The following OPA1 variants were observed in gnomAD, a reference collection of about 807,000 sequenced individuals.
OPA1 encodes the protein dynamin-like GTPase OPA1, mitochondrial.
In OPA1, 59 loss-of-function variants were observed where a neutral mutation model predicts 152.9. The ratio of observed to expected loss-of-function variants is 0.39; its 90% confidence interval spans 0.31 to 0.48. The LOEUF (loss-of-function observed/expected upper bound fraction) is 0.48. Among genes scored for constraint, OPA1 ranks in the 20% least tolerant of loss-of-function variants. OPA1 has a pLI of 0.96. For missense variants in OPA1, 1,008 were observed against 1,216.8 expected (o/e 0.83, Z 2.55); for synonymous variants, 400 against 389.9 (o/e 1.03, Z -0.31).
intron 4 of OPA1, 55 bp downstream of exon 4, chr3:193,617,340 A>C: frequency 1.0e-6 from 1 of 995,408 alleles, no homozygotes; most frequent in Non-Finnish European, 1.6e-6. Context: ...TGGAGGAAAA[A>C]TACATGGATT....
At chr3:193,625,457 G>A (rs1560344503) in intron 6 of OPA1, among the ~76,000 whole-genome samples, 1 of 151,426 alleles carries the variant, frequency 6.6e-6, no homozygotes, top group Non-Finnish European at 1.5e-5. Context: ...GTGAAAATTC[G>A]GTCAGACTAG....
rs958914227 is a variant in OPA1, at chr3:193,635,645, T to G, written c.948+123T>G. 7 of 689,906 alleles carry G rather than the reference T, an allele frequency of 1.0e-5. No individual in the cohort carries two copies. The African/African-American group carries it at 1.2e-4, about 12-fold the overall frequency. 42.7% of individuals were successfully genotyped at this position (689,906 alleles called of 1,614,324 possible). On this transcript the variant is annotated intron_variant, in intron 9 of 30. Transcript: ENST00000361510. ...TCCTTTTCTTTCTAACCTAATGTGC[T>G]TGGAGGATGGAGGATCTCTTCCTAT...
At chr3:193,689,658 C>T (rs12696674) in intron 29 of OPA1, among the ~76,000 whole-genome samples, 64,453 of 151,812 alleles carry the variant, frequency 0.42, 13,950 homozygotes, top group Non-Finnish European at 0.43. Context: ...GCTGCTGTAC[C>T]ACCTCCCTGC....
intron 29 of OPA1, among the ~76,000 whole-genome samples, chr3:193,689,801 A>C (rs1721424182): frequency 6.6e-6 from 1 of 152,222 alleles, no homozygotes; most frequent in South Asian, 2.1e-4. Context: ...ACAGTACAGC[A>C]TTTCCAAGTA....
intron 29 of OPA1, among the ~76,000 whole-genome samples, chr3:193,674,915 G>A (rs1389430393): frequency 6.6e-6 from 1 of 152,196 alleles, no homozygotes; most frequent in Non-Finnish European, 1.5e-5. Context: ...GCTCTGCCAT[G>A]TGTATTTTGA....
intron 29 of OPA1, chr3:193,668,736 C>G (rs1717261692): frequency 1.6e-6 from 2 of 1,289,142 alleles, no homozygotes; most frequent in Admixed American, 6.2e-5. Context: ...ACCATGGCTT[C>G]CCCTTCCCAC....
intron 6 of OPA1, among the ~76,000 whole-genome samples, chr3:193,622,225 TC>T (rs1730228703): frequency 1.5e-5 from 2 of 135,430 alleles, no homozygotes; most frequent in South Asian, 2.4e-4. Flanking sequence ...TTACTCTCAT[TC>T]TTTTTTTTTT....
Position 193,637,943 on chromosome 3 carries a change from T to C in OPA1, c.1036-9T>C, listed in dbSNP as rs531187028. On this transcript the variant is annotated splice_polypyrimidine_tract_variant and intron_variant, in intron 10 of 30. Coordinates refer to ENST00000361510, the MANE Select transcript of OPA1 (RefSeq NM_130837.3). The stretch of plus-strand genomic sequence containing the variant: ...AAATATGAATAAGTGTTCTTTGTTT[T>C]GTGGGAAGGTTGTTGTGGTTGGAGA... 8 of 1,604,546 alleles carry C rather than the reference T, an allele frequency of 5.0e-6. 1 individual carries two copies. In the South Asian group the frequency reaches 7.7e-5, roughly 15 times the overall value.
chr3:193,668,209 C>T, intron 29 of OPA1: 2 of 737,804 alleles, frequency 2.7e-6, no homozygotes, highest in Non-Finnish European at 4.4e-6. Flanking sequence ...CACTTGCTTT[C>T]CTGATAGAAA....
intron 29 of OPA1, among the ~76,000 whole-genome samples, chr3:193,688,857 A>G (rs906720064): frequency 6.6e-6 from 1 of 152,092 alleles, no homozygotes; most frequent in African/African-American, 2.4e-5. Flanking sequence ...GTGGTGCTGC[A>G]TGCCTGTGGT....
At chr3:193,643,295 A>C in intron 13 of OPA1, 78 bp from the exon 14 acceptor site, 1 of 1,181,004 alleles carries the variant, frequency 8.5e-7, no homozygotes, top group Non-Finnish European at 1.3e-6. Flanking sequence ...AATTTTTAGA[A>C]TACATTTCAC....
At chr3:193,623,446 T>C (rs1308346911) in intron 6 of OPA1, among the ~76,000 whole-genome samples, 3 of 151,812 alleles carry the variant, frequency 2.0e-5, no homozygotes, top group Non-Finnish European at 2.9e-5. Flanking sequence ...TCTGATGTTA[T>C]AATTAAAAAA....
intron 29 of OPA1, among the ~76,000 whole-genome samples, chr3:193,688,632 A>ACT (rs1183804459): frequency 1.3e-5 from 2 of 151,548 alleles, no homozygotes; most frequent in Non-Finnish European, 2.9e-5. Context: ...GACCAAAGAG[A>ACT]CTTAAAATAA....
chr3:193,612,240 T>A (rs1728359672), intron 1 of OPA1, among the ~76,000 whole-genome samples: 1 of 150,696 alleles, frequency 6.6e-6, no homozygotes, highest in Non-Finnish European at 1.5e-5. Context: ...ATATAAGGTC[T>A]CACTTTGTAA....
intron 11 of OPA1, among the ~76,000 whole-genome samples, chr3:193,639,244 G>T (rs1733395297): frequency 6.6e-6 from 1 of 152,300 alleles, no homozygotes; most frequent in Middle Eastern, 3.4e-3. Flanking sequence ...GAAGAACCTT[G>T]CCTTAATGGA....
intron 1 of OPA1, among the ~76,000 whole-genome samples, chr3:193,601,600 T>G (rs373859435): frequency 2.5e-4 from 38 of 152,248 alleles, no homozygotes; most frequent in African/African-American, 8.9e-4. Context: ...GTTGTAAGGG[T>G]GTATAACCAC....
chr3:193,643,040 T>C lies in OPA1; in HGVS notation c.1296T>C (p.Val432=), dbSNP rs1388458493. The part of the protein sequence containing the change: ...MRKNVKEGCT[V]SPETISLNVK... ...AAAATGTGAAAGAAGGCTGTACCGT[T>C]AGCCCTGAGGTAAGGGTTGCAATTC... The change falls in exon 13 of 31, where the codon GTT becomes GTC. Residue 432 remains valine, a synonymous_variant. Coordinates refer to ENST00000361510, the MANE Select transcript of OPA1 (RefSeq NM_130837.3). The C allele has an allele frequency of 6.2e-7, 1 of 1,612,494 alleles. No individual in the cohort carries two copies. The highest frequency in any genetic ancestry group is 1.7e-5 in the Admixed American group (1 of 60,004).
chr3:193,640,063 T>C (rs1279693296), intron 11 of OPA1, among the ~76,000 whole-genome samples: 1 of 152,088 alleles, frequency 6.6e-6, no homozygotes, highest in Non-Finnish European at 1.5e-5. Context: ...GAGTTCAGTT[T>C]TGGACTTGCT....
intron 1 of OPA1, chr3:193,613,844 C>T (rs1728622278): frequency 4.1e-6 from 2 of 493,572 alleles, no homozygotes; most frequent in Non-Finnish European, 8.1e-6. Flanking sequence ...TCCCAAAGTG[C>T]TGGGATTACA....
Sources: gnomAD v4.1 joint callset for allele counts (sites outside exome capture counted in the v4.1 genomes callset) on GRCh38, gnomAD v4.1.1 for gene constraint, MANE v1.5 for transcripts, NCBI Gene and HGNC (gene_info 2026-07-23, HGNC 2026-07-21) for gene names.